The following RHOA variants were observed in gnomAD, a reference collection of about 807,000 sequenced individuals.
RHOA encodes ras homolog family member A, also known as transforming protein RhoA.
In RHOA, 3 loss-of-function variants were observed where a neutral mutation model predicts 17.5. The observed-to-expected ratio is 0.17, with a 90% CI of 0.08 to 0.44. The LOEUF is 0.44. Ranked by LOEUF, RHOA falls within the 20% of genes least tolerant of loss-of-function variation. RHOA has a pLI of 0.99. For missense variants in RHOA, 56 were observed against 242.3 expected (o/e 0.23, Z 5.10); for synonymous variants, 98 against 88.4 (o/e 1.11, Z -0.61).
At chr3:49,382,824 G>A (rs2048338329) in intron 1 of RHOA, among the ~76,000 whole-genome samples, 1 of 152,092 alleles carries the variant, frequency 6.6e-6, no homozygotes, top group African/African-American at 2.4e-5. Context: ...ACTTTGAGAG[G>A]TGGGTGGATC....
intron 2 of RHOA, among the ~76,000 whole-genome samples, chr3:49,374,710 A>G (rs1479635666): frequency 6.6e-6 from 1 of 152,014 alleles, no homozygotes; most frequent in Non-Finnish European, 1.5e-5. Flanking sequence ...CGACAGAGCG[A>G]GACTCTGTCT....
intron 1 of RHOA, among the ~76,000 whole-genome samples, chr3:49,381,735 C>T (rs896508197): frequency 1.3e-5 from 2 of 151,368 alleles, no homozygotes; most frequent in East Asian, 3.9e-4. Context: ...CATGGTGGTC[C>T]GCACCTGTAA....
chr3:49,364,691 T>A (rs1444323332), intron 3 of RHOA, among the ~76,000 whole-genome samples: 2 of 150,960 alleles, frequency 1.3e-5, no homozygotes, highest in Admixed American at 1.3e-4. Flanking sequence ...TAAATAAAAA[T>A]AAATAGACCA....
At chr3:49,383,805 G>A (rs868765171) in intron 1 of RHOA, among the ~76,000 whole-genome samples, 9 of 152,072 alleles carry the variant, frequency 5.9e-5, no homozygotes, top group African/African-American at 2.2e-4. Context: ...TGAGGTAGGC[G>A]GATCACTTGA....
intron 1 of RHOA, among the ~76,000 whole-genome samples, chr3:49,376,170 C>T (rs2048223693): frequency 6.6e-6 from 1 of 152,000 alleles, no homozygotes; most frequent in Non-Finnish European, 1.5e-5. Flanking sequence ...CAGCAGGATA[C>T]TGGAGGTCCT....
At chr3:49,380,608 G>A (rs1332650879) in intron 1 of RHOA, among the ~76,000 whole-genome samples, 1 of 151,234 alleles carries the variant, frequency 6.6e-6, no homozygotes, top group Admixed American at 6.6e-5. Flanking sequence ...CTGGGAGGTG[G>A]AGGTTGCAGT....
At chr3:49,368,317 A>G (rs2048092161) in intron 3 of RHOA, 111 bp downstream of exon 3, 2 of 1,366,850 alleles carry the variant, frequency 1.5e-6, no homozygotes, top group East Asian at 2.3e-5. Flanking sequence ...GCCACTGACG[A>G]TGATTGCTTC....
intron 1 of RHOA, among the ~76,000 whole-genome samples, 170 bp from the exon 2 acceptor site, chr3:49,375,761 C>T (rs879774671): frequency 3.9e-5 from 6 of 152,084 alleles, no homozygotes; most frequent in Admixed American, 1.3e-4. Flanking sequence ...ATTAAAAACT[C>T]GTAACTAACA....
At chr3:49,400,658 C>A (rs1354012346) in intron 1 of RHOA, among the ~76,000 whole-genome samples, 1 of 151,566 alleles carries the variant, frequency 6.6e-6, no homozygotes, top group African/African-American at 2.4e-5. Context: ...GAGTTCAAGG[C>A]TGCAGTGAGC....
At chr3:49,374,934 G>A (rs1185944170) in intron 2 of RHOA, among the ~76,000 whole-genome samples, 11 of 152,032 alleles carry the variant, frequency 7.2e-5, no homozygotes, top group South Asian at 6.2e-4. Flanking sequence ...GCATATTCCC[G>A]TAATCCCAGC....
At chr3:49,395,188 T>G (rs1271509757) in intron 1 of RHOA, among the ~76,000 whole-genome samples, 2 of 151,108 alleles carry the variant, frequency 1.3e-5, no homozygotes, top group Non-Finnish European at 2.9e-5. Flanking sequence ...GAGGCGGAGC[T>G]TGCAGTGAGC....
At chr3:49,385,260 G>T (rs1161699578) in intron 1 of RHOA, among the ~76,000 whole-genome samples, 1 of 140,212 alleles carries the variant, frequency 7.1e-6, no homozygotes, top group Non-Finnish European at 1.5e-5. Context: ...TTACTCTGTC[G>T]CCCAGGCTGG....
At chr3:49,387,676 A>G (rs2048423718) in intron 1 of RHOA, among the ~76,000 whole-genome samples, 1 of 149,870 alleles carries the variant, frequency 6.7e-6, no homozygotes, top group South Asian at 2.1e-4. Flanking sequence ...ACCCGGGAGC[A>G]GAGGTTGCAG....
At chr3:49,368,611 G>C in intron 2 of RHOA, 63 bp from the exon 3 acceptor site, 2 of 1,590,436 alleles carry the variant, frequency 1.3e-6, no homozygotes, top group Non-Finnish European at 1.7e-6. Flanking sequence ...TTTAGAAAAA[G>C]TGACACTTAC....
At chr3:49,381,465 C>T (rs2048315925) in intron 1 of RHOA, among the ~76,000 whole-genome samples, 1 of 150,628 alleles carries the variant, frequency 6.6e-6, no homozygotes, top group South Asian at 2.1e-4. Context: ...TGAAAGGCTA[C>T]TCAGGATGCT....
intron 1 of RHOA, among the ~76,000 whole-genome samples, chr3:49,381,441 G>A (rs780791338): frequency 7.3e-5 from 11 of 150,926 alleles, no homozygotes; most frequent in Non-Finnish European, 1.6e-4. Flanking sequence ...TTGGTGGCAG[G>A]CACCTGTAAC....
intron 2 of RHOA, among the ~76,000 whole-genome samples, chr3:49,369,275 G>A (rs148734725): frequency 0.33 from 44,367 of 132,646 alleles, 7,011 homozygotes; most frequent in Middle Eastern, 0.35. Flanking sequence ...CGCCTGCCTC[G>A]GCCTCCCAAA....
At chr3:49,369,522 C>T (rs1431134100) in intron 2 of RHOA, among the ~76,000 whole-genome samples, 1 of 150,764 alleles carries the variant, frequency 6.6e-6, no homozygotes, top group Non-Finnish European at 1.5e-5. Context: ...TGCCTGAGCT[C>T]AGGAGTTCGA....
intron 1 of RHOA, among the ~76,000 whole-genome samples, chr3:49,383,102 C>T (rs1345330579): frequency 2.0e-5 from 3 of 151,704 alleles, no homozygotes; most frequent in South Asian, 2.1e-4. Context: ...GCCACCTTTG[C>T]GTAGCACCCT....
Sources: allele counts gnomAD v4.1 joint callset (sites outside exome capture counted in the v4.1 genomes callset), GRCh38; gene constraint gnomAD v4.1.1; transcripts MANE v1.5; gene names NCBI Gene and HGNC (gene_info 2026-07-23, HGNC 2026-07-21).